Variants in FKBP5 observed in about 807,000 individuals in gnomAD.
FKBP5 encodes the protein FKBP prolyl isomerase 5.
A neutral mutation model predicts 50.5 loss-of-function variants in FKBP5; 23 were observed. The observed-to-expected ratio is 0.46, with a 90% CI of 0.33 to 0.65. The LOEUF is 0.65. Among genes scored for constraint, FKBP5 ranks in the 30% least tolerant of loss-of-function variants. FKBP5 has a pLI of 0.02. For missense variants in FKBP5, 411 were observed against 553.1 expected (o/e 0.74, Z 2.58); for synonymous variants, 176 against 190.6 (o/e 0.92, Z 0.63).
At chr6:35,645,261 A>C (rs1236205707) in intron 1 of FKBP5, among the ~76,000 whole-genome samples, 1 of 152,206 alleles carries the variant, frequency 6.6e-6, no homozygotes, top group African/African-American at 2.4e-5. Context: ...TACACTCCTG[A>C]AAAAATGTTA....
At chr6:35,590,532 T>C (rs1261365187) in intron 7 of FKBP5, among the ~76,000 whole-genome samples, 1 of 152,104 alleles carries the variant, frequency 6.6e-6, no homozygotes, top group Non-Finnish European at 1.5e-5. Context: ...CAAGGAGGCA[T>C]GCTGTTTCTG....
In FKBP5 at chr6:35,719,595, T is replaced by C. The variant is rs183327856; in HGVS notation, c.-20+733A>G. ...AGCGCCTGTGAAACACCACCCACAA[T>C]GCCTGGTGCCCCTGTGTAGTCCACA... On this transcript the variant is annotated intron_variant, in intron 2 of 11. Coordinates refer to the FKBP5 transcript ENST00000536438. Among the ~76,000 whole-genome samples, 124 of 151,972 alleles carry C rather than the reference T, an allele frequency of 8.2e-4. 2 individuals are homozygous for C. In the Middle Eastern group the frequency reaches 0.021, roughly 25 times the overall value.
chr6:35,579,162 A>ACACTCT lies in FKBP5; in HGVS notation c.1026+868_1026+873dup, dbSNP rs1282134786. ...AAAACACACACACGCGCGCGCGCAC[A>ACACTCT]CACTCTCTCTCTCTCTCTCTCCGCT... On this transcript the variant is annotated intron_variant, in intron 9 of 10. Coordinates refer to ENST00000357266, the MANE Select transcript of FKBP5 (RefSeq NM_004117.4). Among the ~76,000 whole-genome samples, 6 of 147,876 alleles carry ACACTCT rather than the reference A, an allele frequency of 4.1e-5. No individual in the cohort carries two copies. The South Asian group carries it at 1.0e-3, about 26-fold the overall frequency.
intron 8 of FKBP5, chr6:35,582,335 A>G: frequency 2.1e-6 from 2 of 968,902 alleles, no homozygotes; most frequent in African/African-American, 1.8e-5. Context: ...CTAAATTCCT[A>G]TGTTGAAGCC....
chr6:35,578,057 A>C (rs1291403895), intron 9 of FKBP5, among the ~76,000 whole-genome samples: 2 of 5,510 alleles, frequency 3.6e-4, no homozygotes, highest in Non-Finnish European at 4.6e-4. Flanking sequence ...CTTGTCTCCA[A>C]AAAAAAAAAA....
intron 2 of FKBP5, among the ~76,000 whole-genome samples, chr6:35,637,991 C>T (rs1451302652): frequency 6.6e-6 from 1 of 152,150 alleles, no homozygotes; most frequent in African/African-American, 2.4e-5. Context: ...TTATTTGAAA[C>T]ATAGTCTATC....
Position 35,704,917 on chromosome 6 carries a change from G to A in FKBP5, c.-20+15411C>T, listed in dbSNP as rs914127678. Among the ~76,000 whole-genome samples the A allele has an allele frequency of 1.1e-4, 17 of 151,690 alleles. 1 individual carries two copies. In the East Asian group the frequency reaches 2.9e-3, roughly 26 times the overall value. ...AGCACTTTGGGAGGCCGAGGCGGGC[G>A]GATCACGAGGTCAGGAAATCGAGAC... On this transcript the variant is annotated intron_variant, in intron 2 of 11. Coordinates refer to the FKBP5 transcript ENST00000536438.
At chr6:35,713,881 T>A (rs1284909895) in intron 2 of FKBP5, among the ~76,000 whole-genome samples, 1 of 152,050 alleles carries the variant, frequency 6.6e-6, no homozygotes, top group Non-Finnish European at 1.5e-5. Flanking sequence ...TTCCTGCCCT[T>A]CTCCCTTCCC....
At chr6:35,664,739 CT>C (rs1765168141) in intron 1 of FKBP5, 1 of 154,170 alleles carries the variant, frequency 6.5e-6, no homozygotes, top group Non-Finnish European at 1.5e-5. Context: ...ACTATTACCT[CT>C]ATTAGTATAA....
intron 1 of FKBP5, among the ~76,000 whole-genome samples, chr6:35,722,472 C>T (rs1363744592): frequency 6.6e-6 from 1 of 152,212 alleles, no homozygotes; most frequent in Admixed American, 6.5e-5. Context: ...AGCTCCCGGG[C>T]TGCAGGGAAC....
At position 35,711,317 on chromosome 6, in the gene FKBP5, GAAA is replaced by G. The variant is rs56377841; in HGVS notation, c.-20+9008_-20+9010del. On this transcript the variant is annotated intron_variant, in intron 2 of 11. Coordinates refer to the FKBP5 transcript ENST00000536438. The stretch of plus-strand genomic sequence containing the variant: ...GGGCGACAAAGTCCCTGTCTCAAAA[GAAA>G]AAAAAAAAAAAAAGAAGGCCGGGAG... Among the ~76,000 whole-genome samples, 25 of 132,918 alleles carry G rather than the reference GAAA, an allele frequency of 1.9e-4. No homozygotes were observed. The East Asian group carries it at 4.2e-3, about 22-fold the overall frequency. The allele number at this position is 132,918 out of a possible 152,430, so 87.2% of individuals were successfully genotyped here. A position where few individuals can be genotyped will look rare whatever the true frequency, so the allele number is the denominator to read the frequency against.
intron 1 of FKBP5, among the ~76,000 whole-genome samples, chr6:35,672,180 C>T (rs993981160): frequency 6.6e-6 from 1 of 151,924 alleles, no homozygotes; most frequent in Admixed American, 6.6e-5. Flanking sequence ...TATCTTCTCG[C>T]TTAATAGCAT....
chr6:35,589,070 GTATATATTTATATA>G (rs1428565954), intron 7 of FKBP5, among the ~76,000 whole-genome samples: 1 of 138,876 alleles, frequency 7.2e-6, no homozygotes, highest in Non-Finnish European at 1.6e-5. Flanking sequence ...GTGTGTGTGT[GTATATATTTATATA>G]TATATTTTTA....
chr6:35,713,331 G>A (rs538897035), intron 2 of FKBP5, among the ~76,000 whole-genome samples: 20 of 152,058 alleles, frequency 1.3e-4, no homozygotes, highest in Non-Finnish European at 2.4e-4. Flanking sequence ...CAGCCCAATG[G>A]AATTTTGCCT....
intron 1 of FKBP5, among the ~76,000 whole-genome samples, chr6:35,683,632 A>ATTTTTTTTTTTT (rs777451189): frequency 9.1e-6 from 1 of 109,364 alleles, no homozygotes; most frequent in African/African-American, 3.3e-5. Context: ...TGACTGGCTA[A>ATTTTTTTTTTTT]TTTTTTTTTT....
intron 1 of FKBP5, among the ~76,000 whole-genome samples, chr6:35,684,652 TA>T (rs1044444789): frequency 2.1e-4 from 32 of 152,084 alleles, no homozygotes; most frequent in Non-Finnish European, 3.8e-4. Context: ...AGACCAAGGG[TA>T]AAAAACAAAT....
rs183689453 is a variant in FKBP5 at position 35,638,314 on chromosome 6, C to T, written c.106-1156G>A. Among the ~76,000 whole-genome samples the T allele has an allele frequency of 1.2e-4, 18 of 152,176 alleles. No homozygotes were observed. In the East Asian group the frequency reaches 3.5e-3, roughly 29 times the overall value. ...TATTTAAATAATTCGATTATTTGCT[C>T]CTAAATTCTTTTTTTACAAGTATAC... On this transcript the variant is annotated intron_variant, in intron 2 of 10. Coordinates refer to ENST00000357266, the MANE Select transcript of FKBP5 (RefSeq NM_004117.4).
At chr6:35,602,747 C>T (rs534964825) in intron 5 of FKBP5, among the ~76,000 whole-genome samples, 82 of 152,106 alleles carry the variant, frequency 5.4e-4, no homozygotes, top group Non-Finnish European at 6.0e-4. Context: ...AGGATGAACA[C>T]ACACCACTGT....
chr6:35,637,099 G>A lies in FKBP5; in HGVS notation c.165C>T (p.Val55=). 3.1e-6 allele frequency: 5 copies of A among 1,611,056 alleles called. No homozygotes were observed. Among genetic ancestry groups the A allele is most frequent in the Non-Finnish European group, 3.4e-6 (4 of 1,179,200 alleles). ...CATTTGACAATTTTCCTTTGTAATG[G>A]ACATAAACTTTGTCTCCAATCATCG... The part of the protein sequence containing the change: ...ETPMIGDKVY[V]HYKGKLSNGK... The change falls in exon 3 of 11, where the codon GTC becomes GTT. Residue 55 remains valine, a synonymous_variant. Coordinates refer to ENST00000357266, the MANE Select transcript of FKBP5 (RefSeq NM_004117.4).
Sources: allele counts gnomAD v4.1 joint callset (sites outside exome capture counted in the v4.1 genomes callset), GRCh38; gene constraint gnomAD v4.1.1; transcripts MANE v1.5; gene names NCBI Gene and HGNC (gene_info 2026-07-23, HGNC 2026-07-21).